Variants in TSHR observed in about 807,000 individuals in gnomAD.
TSHR encodes thyrotropin receptor.
Under a neutral mutation model 64.1 loss-of-function variants are expected in TSHR, and 51 were observed. The observed-to-expected ratio is 0.80, with a 90% CI of 0.64 to 1.01. TSHR has a LOEUF of 1.01. TSHR is among the 50% of genes least tolerant of loss of function. The pLI is 0.00. For synonymous variants in TSHR, 361 were observed against 361.9 expected (o/e 1.00, Z 0.03); for missense variants, 877 against 942.8 (o/e 0.93, Z 0.91).
At chr14:81,141,387 C>A (rs2300540) in intron 9 of TSHR, among the ~76,000 whole-genome samples, 49,827 of 152,078 alleles carry the variant, frequency 0.33, 8,622 homozygotes, top group African/African-American at 0.45. Context: ...ATCACTCAAA[C>A]TCTGCTCAGC....
At chr14:81,059,387 A>T (rs547651141) in intron 1 of TSHR, among the ~76,000 whole-genome samples, 4 of 152,220 alleles carry the variant, frequency 2.6e-5, no homozygotes, top group Non-Finnish European at 5.9e-5. Context: ...AATTTATACC[A>T]AAAGTCAACA....
intron 7 of TSHR, chr14:81,105,090 C>A (rs1005059113): frequency 2.0e-5 from 20 of 985,226 alleles, no homozygotes; most frequent in Non-Finnish European, 2.4e-5. Flanking sequence ...GTTTTTATCA[C>A]TCCTCTCTAA....
At chr14:81,032,248 C>T (rs962047307) in intron 1 of TSHR, among the ~76,000 whole-genome samples, 2 of 152,126 alleles carry the variant, frequency 1.3e-5, no homozygotes, top group African/African-American at 4.8e-5. Context: ...CCACAGGCTT[C>T]CTGAGGTTTT....
chr14:81,103,177 T>C lies in TSHR; in HGVS notation c.615-5198T>C. The C allele has an allele frequency of 3.0e-6, 3 of 985,432 alleles. No individual in the cohort carries two copies. Among genetic ancestry groups the C allele is most frequent in the Non-Finnish European group, 3.6e-6 (3 of 829,922 alleles). 61.0% of individuals were successfully genotyped at this position (985,432 alleles called of 1,614,324 possible). On this transcript the variant is annotated intron_variant, in intron 7 of 9. Coordinates refer to ENST00000298171, the MANE Select transcript of TSHR (RefSeq NM_000369.5). The surrounding 1 kb of genome is among the most constrained non-coding windows in gnomAD (Gnocchi z 4.1). ...GAAGGAAAGAAAGGTCAAGGTTCCA[T>C]GGTAATAATAAAATAGTATTCACAT...
intron 8 of TSHR, among the ~76,000 whole-genome samples, chr14:81,117,070 A>G (rs1253119390): frequency 3.5e-5 from 4 of 112,726 alleles, no homozygotes; most frequent in African/African-American, 1.2e-4. Flanking sequence ...AATGCCCACA[A>G]GAGAAAGCAG....
At chr14:81,041,812 T>G (rs1156813813) in intron 1 of TSHR, among the ~76,000 whole-genome samples, 1 of 152,146 alleles carries the variant, frequency 6.6e-6, no homozygotes, top group Non-Finnish European at 1.5e-5. Context: ...TGTCTACAGT[T>G]TTCAGTACAG....
intron 2 of TSHR, among the ~76,000 whole-genome samples, chr14:81,064,964 G>A (rs1215059772): frequency 1.3e-5 from 2 of 152,142 alleles, no homozygotes; most frequent in African/African-American, 2.4e-5. Context: ...TCATGTTGTA[G>A]GACTTTCTCC....
intron 5 of TSHR, among the ~76,000 whole-genome samples, chr14:81,092,194 A>G (rs1888790369): frequency 6.6e-6 from 1 of 152,172 alleles, no homozygotes; most frequent in African/African-American, 2.4e-5. Context: ...GCATGTAGAA[A>G]ACTCTAGTTG....
intron 1 of TSHR, among the ~76,000 whole-genome samples, chr14:81,046,046 C>T (rs1885154072): frequency 6.6e-6 from 1 of 152,182 alleles, no homozygotes; most frequent in African/African-American, 2.4e-5. Context: ...AAGGCTTCCT[C>T]TAATGTAACC....
intron 3 of TSHR, among the ~76,000 whole-genome samples, chr14:81,086,422 T>A (rs1888292319): frequency 6.6e-6 from 1 of 152,174 alleles, no homozygotes; most frequent in South Asian, 2.1e-4. Context: ...ACCAGAGAGT[T>A]TTTTCTAATT....
At chr14:81,046,301 C>CA (rs1284706352) in intron 1 of TSHR, among the ~76,000 whole-genome samples, 2 of 150,814 alleles carry the variant, frequency 1.3e-5, no homozygotes, top group Non-Finnish European at 3.0e-5. Context: ...TAAACAACCT[C>CA]AAAAAAATAA....
At position 80,955,806 on chromosome 14, in the gene TSHR, G is replaced by A; in HGVS notation, c.126G>A (p.Lys42=). 1 of 1,614,208 alleles carries A rather than the reference G, an allele frequency of 6.2e-7. No homozygotes were observed. Among genetic ancestry groups the A allele is most frequent in the South Asian group, 1.1e-5 (1 of 91,084 alleles). ...HQEEDFRVTC[K]DIQRIPSLPP... ...AGGAGGACTTCAGAGTCACCTGCAA[G>A]GATATTCAACGCATCCCCAGCTTAC... The change falls in exon 1 of 10, where the codon AAG becomes AAA. Residue 42 remains lysine, a synonymous_variant. Transcript: ENST00000298171.
intron 1 of TSHR, chr14:80,992,098 A>G (rs575869521): frequency 6.6e-6 from 1 of 152,420 alleles, no homozygotes; most frequent in African/African-American, 2.4e-5. Flanking sequence ...CTAATCATAA[A>G]TTCTAAATCA....
chr14:81,038,216 AC>A (rs1370885361), intron 1 of TSHR, among the ~76,000 whole-genome samples: 1 of 152,106 alleles, frequency 6.6e-6, no homozygotes, highest in East Asian at 1.9e-4. Context: ...AAATTAAACA[AC>A]ATGCTCCTGG....
At chr14:80,996,636 G>A (rs1284066936) in intron 1 of TSHR, among the ~76,000 whole-genome samples, 1 of 152,052 alleles carries the variant, frequency 6.6e-6, no homozygotes, top group East Asian at 1.9e-4. Context: ...GGAAAATCTG[G>A]GCTTTAAGCA....
At position 81,139,768 on chromosome 14, in the gene TSHR, A is replaced by G; in HGVS notation, c.782A>G (p.Lys261Arg). Residue 261 changes from lysine (K) to arginine (R), a missense_variant, in exon 9 of 10, where the codon AAG becomes AGG. Coordinates refer to ENST00000298171, the MANE Select transcript of TSHR (RefSeq NM_000369.5). ...ELIARNTWTL[K>R]KLPLSLSFLH... The stretch of plus-strand genomic sequence containing the variant: ...ATAGCAAGAAACACCTGGACTCTTA[A>G]GAAACTTCCACTTTCCTTGAGTTTC... The G allele has an allele frequency of 6.2e-7, 1 of 1,614,252 alleles. No individual in the cohort carries two copies. Among genetic ancestry groups the G allele is most frequent in the Non-Finnish European group, 8.5e-7 (1 of 1,180,050 alleles).
chr14:80,989,080 A>G (rs1330924472), intron 1 of TSHR, among the ~76,000 whole-genome samples: 1 of 152,178 alleles, frequency 6.6e-6, no homozygotes, highest in Non-Finnish European at 1.5e-5. Context: ...TTCTGTTAAC[A>G]AAACTACTTA....
chr14:81,002,815 TTTTTTTTTTCTTTTTTTA>T (rs1889406739), intron 1 of TSHR, among the ~76,000 whole-genome samples: 2 of 98,830 alleles, frequency 2.0e-5, no homozygotes, highest in Non-Finnish European at 4.4e-5. Flanking sequence ...TTTATCTTTT[TTTTTTTTTTCTTTTTTTA>T]TTATTATTAT....
chr14:81,128,038 C>T (rs914696846), intron 8 of TSHR, among the ~76,000 whole-genome samples: 3 of 152,076 alleles, frequency 2.0e-5, no homozygotes, highest in Non-Finnish European at 2.9e-5. Flanking sequence ...ATAGTAAACG[C>T]TGAAAGATTT....
Sources: allele counts gnomAD v4.1 joint callset (sites outside exome capture counted in the v4.1 genomes callset), GRCh38; gene constraint gnomAD v4.1.1; non-coding constraint Gnocchi (gnomAD v3.1); transcripts MANE v1.5; gene names NCBI Gene and HGNC (gene_info 2026-07-23, HGNC 2026-07-21).